The following CNTN4 variants were observed in gnomAD, a reference collection of about 807,000 sequenced individuals.
CNTN4 encodes contactin-4.
CNTN4 carries 77 observed loss-of-function variants against 122.5 expected under a neutral mutation model. The observed-to-expected ratio is 0.63, with a 90% CI of 0.52 to 0.76. The LOEUF is 0.76. CNTN4 is among the 30% of genes least tolerant of loss of function. The pLI is 0.00. For synonymous variants in CNTN4, 512 were observed against 447.0 expected (o/e 1.15, Z -1.83); for missense variants, 1,256 against 1,259.1 (o/e 1.00, Z 0.04).
chr3:2,456,174 T>A (rs558181119), intron 3 of CNTN4, among the ~76,000 whole-genome samples: 1 of 151,986 alleles, frequency 6.6e-6, no homozygotes, highest in Non-Finnish European at 1.5e-5. Flanking sequence ...TCTCATGATC[T>A]TTTACCATAC....
chr3:2,190,303 T>TTGTG lies in CNTN4; in HGVS notation c.-145+89682_-145+89685dup, dbSNP rs10685358. On this transcript the variant is annotated intron_variant, in intron 2 of 24. Transcript: ENST00000418658. ...TGGATCTAGGGTTCCCACATCTGAC[T>TTGTG]TGTGTGTGTGTGTGTGTGTGTCTTT... Among the ~76,000 whole-genome samples, 274 of 149,438 alleles carry TTGTG rather than the reference T, an allele frequency of 1.8e-3. 1 individual carries two copies. The highest frequency in any genetic ancestry group is 4.9e-3 in the South Asian group (23 of 4,718).
At chr3:2,307,159 G>T (rs2042738798) in intron 2 of CNTN4, among the ~76,000 whole-genome samples, 1 of 152,124 alleles carries the variant, frequency 6.6e-6, no homozygotes, top group Non-Finnish European at 1.5e-5. Context: ...AGCAAGGCCG[G>T]GCGCAGTGGC....
In CNTN4 at chr3:2,259,678, C is replaced by T. The variant is rs1268148052; in HGVS notation, c.-144-79500C>T. 2.6e-5 allele frequency among the ~76,000 whole-genome samples: 4 copies of T among 152,276 alleles called. No individual in the cohort carries two copies. In the South Asian group the frequency reaches 6.2e-4, roughly 24 times the overall value. On this transcript the variant is annotated intron_variant, in intron 2 of 24. Transcript: ENST00000418658. The stretch of plus-strand genomic sequence containing the variant: ...ATCTCATGAGATGTATTCACAACCA[C>T]GAGAACAGTATGGGGCAAACCACCC...
chr3:2,268,217 C>T (rs138491222), intron 2 of CNTN4, among the ~76,000 whole-genome samples: 83 of 152,216 alleles, frequency 5.5e-4, no homozygotes, highest in African/African-American at 1.9e-3. Context: ...TTAGTCAGGC[C>T]TCTTATGGTG....
rs1453461313 is a variant in CNTN4 at position 2,841,386 on chromosome 3, CCATCA to C, written c.454+21808_454+21812del. Among the ~76,000 whole-genome samples, 14 of 152,262 alleles carry C rather than the reference CCATCA, an allele frequency of 9.2e-5. No individual in the cohort carries two copies. The highest frequency in any genetic ancestry group is 3.4e-4 in the African/African-American group (14 of 41,550). ...ATATATCTTTATTTTTCCAACTCTA[CCATCA>C]CAACTGAGAAAAGGTAATGTGGTAC... On this transcript the variant is annotated intron_variant, in intron 7 of 24. Transcript: ENST00000418658. The surrounding 1 kb of genome is among the most constrained non-coding windows in gnomAD (Gnocchi z 4.8).
chr3:2,256,958 CA>C (rs1181065983), intron 2 of CNTN4, among the ~76,000 whole-genome samples: 10 of 151,856 alleles, frequency 6.6e-5, no homozygotes, highest in African/African-American at 2.2e-4. Context: ...TGTATGGAAC[CA>C]AAAAAGAGCC....
chr3:2,511,189 T>A (rs2076876309), intron 3 of CNTN4, among the ~76,000 whole-genome samples: 1 of 152,182 alleles, frequency 6.6e-6, no homozygotes, highest in African/African-American at 2.4e-5. Flanking sequence ...ACAACCAGTG[T>A]AATTATATTC....
chr3:2,953,889 A>G (rs972963721), intron 13 of CNTN4, among the ~76,000 whole-genome samples: 11 of 152,158 alleles, frequency 7.2e-5, no homozygotes, highest in Non-Finnish European at 1.6e-4. Flanking sequence ...TTATTTAGTG[A>G]CTACATCATT....
chr3:2,636,237 A>G (rs2082651943), intron 4 of CNTN4, among the ~76,000 whole-genome samples: 1 of 152,238 alleles, frequency 6.6e-6, no homozygotes, highest in Admixed American at 6.5e-5. Flanking sequence ...TAGGAGGAAG[A>G]GGACAATAGA....
At chr3:2,716,407 A>T (rs1046213308) in intron 4 of CNTN4, among the ~76,000 whole-genome samples, 6 of 151,800 alleles carry the variant, frequency 4.0e-5, no homozygotes, top group African/African-American at 7.3e-5. Flanking sequence ...ACTCTATGTA[A>T]AGCACATTGC....
intron 3 of CNTN4, among the ~76,000 whole-genome samples, chr3:2,405,602 GATAGATAGA>G (rs1559524174): frequency 7.9e-6 from 1 of 126,570 alleles, no homozygotes; most frequent in African/African-American, 3.2e-5. Flanking sequence ...TAGGTAGATA[GATAGATAGA>G]TAGATAGATA....
chr3:2,916,890 T>C (rs34781112), intron 12 of CNTN4, among the ~76,000 whole-genome samples: 3,354 of 150,154 alleles, frequency 0.022, 44 homozygotes, highest in Non-Finnish European at 0.034. Context: ...TGGCACTTCC[T>C]AGACGGGGTG....
chr3:2,677,867 T>G (rs1351122976), intron 4 of CNTN4, among the ~76,000 whole-genome samples: 2 of 152,186 alleles, frequency 1.3e-5, no homozygotes, highest in Admixed American at 1.3e-4. Context: ...CGGTACAATT[T>G]GCAATAAACA....
At chr3:3,048,502 T>TTC (rs58018554) in intron 23 of CNTN4, among the ~76,000 whole-genome samples, 7 of 140,742 alleles carry the variant, frequency 5.0e-5, no homozygotes, top group African/African-American at 1.4e-4. Flanking sequence ...CTCTCTCTCT[T>TTC]TCTCTCTCTC....
intron 7 of CNTN4, among the ~76,000 whole-genome samples, chr3:2,829,673 T>G (rs2150361794): frequency 6.6e-6 from 1 of 152,364 alleles, no homozygotes; most frequent in African/African-American, 2.4e-5. Context: ...AACTTGAATG[T>G]TTCATGACTA....
intron 14 of CNTN4, among the ~76,000 whole-genome samples, chr3:3,000,700 C>G (rs1452826935): frequency 6.6e-6 from 1 of 151,954 alleles, no homozygotes; most frequent in African/African-American, 2.4e-5. Flanking sequence ...CAGGGTCTGC[C>G]CTAAGTAAAT....
intron 3 of CNTN4, among the ~76,000 whole-genome samples, chr3:2,525,827 G>T (rs2077378922): frequency 6.6e-6 from 1 of 152,096 alleles, no homozygotes; most frequent in Non-Finnish European, 1.5e-5. Context: ...TATTCAGTTT[G>T]CTTTGTAGTA....
intron 4 of CNTN4, among the ~76,000 whole-genome samples, chr3:2,713,801 C>T (rs1049935688): frequency 6.6e-6 from 1 of 152,112 alleles, no homozygotes; most frequent in African/African-American, 2.4e-5. Context: ...AATGTACAAA[C>T]AATAGGCTTT....
Position 2,186,793 on chromosome 3 carries a change from G to C in CNTN4, c.-145+86154G>C, listed in dbSNP as rs1187461884. On this transcript the variant is annotated intron_variant, in intron 2 of 24. Transcript: ENST00000418658. ...TGATGGGGTTGTTTTTTTCTTATAA[G>C]TTTGTTTAAGTTCTTTGTAGATTCT... Among the ~76,000 whole-genome samples the C allele has an allele frequency of 5.9e-5, 9 of 152,058 alleles. No individual in the cohort carries two copies. In the East Asian group the frequency reaches 1.7e-3, roughly 29 times the overall value.
Sources: gnomAD v4.1 joint callset for allele counts (sites outside exome capture counted in the v4.1 genomes callset) on GRCh38, gnomAD v4.1.1 for gene constraint, Gnocchi (gnomAD v3.1) non-coding constraint, MANE v1.5 for transcripts, NCBI Gene and HGNC (gene_info 2026-07-23, HGNC 2026-07-21) for gene names.